Variants in SHISA9 observed in about 807,000 individuals in gnomAD.
SHISA9 encodes the protein shisa family member 9.
In SHISA9, 13 loss-of-function variants were observed where a neutral mutation model predicts 38.0. The ratio of observed to expected loss-of-function variants is 0.34; its 90% CI spans 0.22 to 0.54. The LOEUF is 0.54. SHISA9 is among the 20% of genes least tolerant of loss of function. SHISA9 has a pLI of 0.91. For synonymous variants in SHISA9, 275 were observed against 242.0 expected (o/e 1.14, Z -1.27); for missense variants, 538 against 575.8 (o/e 0.93, Z 0.67).
the SHISA9 span, among the ~76,000 whole-genome samples, chr16:13,449,928 A>G: frequency 6.6e-6 from 1 of 152,264 alleles, no homozygotes; most frequent in Middle Eastern, 3.4e-3. Flanking sequence ...CATCCTGGCT[A>G]ACATGGTGAA....
chr16:12,977,587 C>A (rs2072181064), intron 2 of SHISA9, among the ~76,000 whole-genome samples: 1 of 152,078 alleles, frequency 6.6e-6, no homozygotes, highest in South Asian at 2.1e-4. Context: ...CCGTGATAGA[C>A]TGGATAAAGA....
At chr16:13,044,822 G>A (rs1288697525) in intron 2 of SHISA9, among the ~76,000 whole-genome samples, 1 of 152,186 alleles carries the variant, frequency 6.6e-6, no homozygotes, top group Non-Finnish European at 1.5e-5. Context: ...ATCACTTAAA[G>A]CCCTTTTATA....
At chr16:13,126,844 T>C (rs1278823248) in intron 2 of SHISA9, among the ~76,000 whole-genome samples, 1 of 67,690 alleles carries the variant, frequency 1.5e-5, no homozygotes, top group Non-Finnish European at 3.0e-5. Context: ...AGAGAGAGAC[T>C]GAGGGAAAGA....
downstream of SHISA9, among the ~76,000 whole-genome samples, chr16:13,241,766 T>C (rs1054235160): frequency 4.6e-5 from 7 of 152,160 alleles, no homozygotes; most frequent in African/African-American, 1.7e-4. Flanking sequence ...AGACCTTTCA[T>C]TGGCCACAGG....
chr16:13,103,835 T>C (rs1027412022), intron 2 of SHISA9, among the ~76,000 whole-genome samples: 1 of 152,330 alleles, frequency 6.6e-6, no homozygotes, highest in East Asian at 1.9e-4. Flanking sequence ...TGGGCCACCA[T>C]GTCATAGGCT....
intron 2 of SHISA9, among the ~76,000 whole-genome samples, chr16:13,015,853 C>CCTTTCTTTCTTT (rs201249295): frequency 0.034 from 3,331 of 98,504 alleles, 88 homozygotes; most frequent in East Asian, 0.067. Flanking sequence ...TCTTTCTTTC[C>CCTTTCTTTCTTT]CTTTCTTTCT....
chr16:12,910,336 G>A lies in SHISA9; in HGVS notation c.564-6352G>A, dbSNP rs186267083. On this transcript the variant is annotated intron_variant, in intron 1 of 4. Transcript: ENST00000558583. ...ATTCATTCTTTCATTCATTCGATAG[G>A]TATTTACTGAACATCTAACTTATGC... 13 of 280,748 alleles carry A rather than the reference G, an allele frequency of 4.6e-5. No individual in the cohort carries two copies. The Admixed American group carries it at 7.1e-4, about 15-fold the overall frequency. The allele number at this position is 280,748 out of a possible 1,614,324, so 17.4% of individuals were successfully genotyped here. A position where few individuals can be genotyped will look rare whatever the true frequency, so the allele number is the denominator to read the frequency against.
chr16:13,559,251 C>G, the SHISA9 span, among the ~76,000 whole-genome samples: 12 of 152,156 alleles, frequency 7.9e-5, no homozygotes, highest in African/African-American at 2.9e-4. Flanking sequence ...TTCTAGAGAA[C>G]TGTCAACCAC....
At chr16:13,046,669 C>A (rs1377208805) in intron 2 of SHISA9, among the ~76,000 whole-genome samples, 1 of 152,224 alleles carries the variant, frequency 6.6e-6, no homozygotes, top group Non-Finnish European at 1.5e-5. Context: ...AAGTTAAATT[C>A]CTAACCATAG....
At chr16:13,543,900 CTT>C in the SHISA9 span, among the ~76,000 whole-genome samples, 1 of 152,202 alleles carries the variant, frequency 6.6e-6, no homozygotes, top group African/African-American at 2.4e-5. Context: ...ATATCTACCT[CTT>C]TTTCTGGGTA....
chr16:13,130,325 T>C (rs2050295750), intron 2 of SHISA9, among the ~76,000 whole-genome samples: 1 of 152,198 alleles, frequency 6.6e-6, no homozygotes, highest in African/African-American at 2.4e-5. Flanking sequence ...ACTCAGGAAA[T>C]TTCATAGCTC....
the SHISA9 span, among the ~76,000 whole-genome samples, chr16:13,455,450 A>AG: frequency 1.3e-5 from 2 of 152,164 alleles, no homozygotes; most frequent in Admixed American, 6.5e-5. Flanking sequence ...ACCAGTAAAA[A>AG]GGAGTCCAAA....
the SHISA9 span, among the ~76,000 whole-genome samples, chr16:13,255,614 TC>T: frequency 6.0e-4 from 91 of 152,348 alleles, no homozygotes; most frequent in African/African-American, 2.1e-3. Flanking sequence ...TCAATTTCCT[TC>T]TTCCTTACCT....
At chr16:13,416,731 AAAG>A in the SHISA9 span, among the ~76,000 whole-genome samples, 32 of 102,258 alleles carry the variant, frequency 3.1e-4, 1 homozygote, top group East Asian at 0.015. Context: ...AGAAAGGAAG[AAAG>A]AAAGAAAGAA....
the SHISA9 span, among the ~76,000 whole-genome samples, chr16:13,469,368 A>AGAAAGAAG: frequency 1.4e-5 from 1 of 70,080 alleles, no homozygotes; most frequent in African/African-American, 5.3e-5. Context: ...GAAAAGAAAA[A>AGAAAGAAG]GAAAGAAAGA....
the SHISA9 span, among the ~76,000 whole-genome samples, chr16:13,438,574 A>G: frequency 2.2e-3 from 341 of 152,354 alleles, 1 homozygote; most frequent in African/African-American, 7.8e-3. Context: ...CCTTACAGAA[A>G]TGTAACTGAA....
At chr16:12,943,330 T>TGAGAGA (rs375325532) in intron 2 of SHISA9, among the ~76,000 whole-genome samples, 7 of 27,980 alleles carry the variant, frequency 2.5e-4, no homozygotes, top group African/African-American at 6.7e-4. Context: ...TGTGTGTGTG[T>TGAGAGA]GAGAGAGAGA....
intron 2 of SHISA9, among the ~76,000 whole-genome samples, chr16:13,187,758 A>C (rs1596713639): frequency 6.6e-6 from 1 of 152,208 alleles, no homozygotes. Context: ...ATTTCAAAGC[A>C]AAATGGGGAG....
At chr16:13,433,842 C>T in the SHISA9 span, among the ~76,000 whole-genome samples, 1 of 152,146 alleles carries the variant, frequency 6.6e-6, no homozygotes, top group African/African-American at 2.4e-5. Context: ...CTTTGACCAT[C>T]TATTGTCTGA....
Sources: allele counts gnomAD v4.1 joint callset (sites outside exome capture counted in the v4.1 genomes callset), GRCh38; gene constraint gnomAD v4.1.1; transcripts MANE v1.5; gene names NCBI Gene and HGNC (gene_info 2026-07-23, HGNC 2026-07-21).